Variants in MALRD1 observed in about 807,000 individuals in gnomAD.
The protein encoded by MALRD1 is MAM and LDL receptor class A domain containing 1.
A neutral mutation model predicts 242.1 loss-of-function variants in MALRD1; 247 were observed. That is an observed-to-expected ratio of 1.02 (90% CI 0.92 to 1.13). The LOEUF (loss-of-function observed/expected upper bound fraction) is 1.13. Ranked by LOEUF, MALRD1 falls within the 50% of genes most tolerant of loss-of-function variation. The pLI is 0.00. For synonymous variants in MALRD1, 995 were observed against 866.6 expected, an observed-to-expected ratio of 1.15 and a Z score of -2.60; for missense variants, 2,989 against 2,533.1, an observed-to-expected ratio of 1.18 and a Z score of -3.86.
intron 26 of MALRD1, among the ~76,000 whole-genome samples, chr10:19,366,341 C>G (rs1352915958): frequency 6.6e-6 from 1 of 151,980 alleles, no homozygotes; most frequent in Non-Finnish European, 1.5e-5. Flanking sequence ...GTTTGCGCTC[C>G]TATGAGAAGC....
At chr10:19,153,693 A>T (rs1443696086) in intron 11 of MALRD1, among the ~76,000 whole-genome samples, 1 of 148,028 alleles carries the variant, frequency 6.8e-6, no homozygotes, top group East Asian at 1.9e-4. Context: ...TGTCTCAGGA[A>T]AAAAAAAAAA....
In MALRD1 at chr10:19,505,520, C is replaced by G. The variant is rs1287455160; in HGVS notation, c.5320+6874C>G. On this transcript the variant is annotated intron_variant, in intron 31 of 39. Coordinates refer to ENST00000454679, the MANE Select transcript of MALRD1 (RefSeq NM_001142308.3). ...CCTCAGGAGAAATCAGATCTCCTGG[C>G]ACCTTGGTCTTGGACTTCCAGCCTT... 2.0e-5 allele frequency among the ~76,000 whole-genome samples: 3 copies of G among 152,184 alleles called. No homozygotes were observed. The East Asian group carries it at 5.8e-4, about 29-fold the overall frequency.
At chr10:19,477,846 A>G (rs560272350) in intron 29 of MALRD1, among the ~76,000 whole-genome samples, 229 of 152,266 alleles carry the variant, frequency 1.5e-3, no homozygotes, top group African/African-American at 4.9e-3. Context: ...TATTATGCAG[A>G]TGGAGTCTCT....
At chr10:19,201,157 G>T (rs907431500) in intron 14 of MALRD1, among the ~76,000 whole-genome samples, 1 of 151,926 alleles carries the variant, frequency 6.6e-6, no homozygotes, top group East Asian at 1.9e-4. Context: ...TTTTATATAT[G>T]TATACATGTG....
At chr10:19,212,022 C>T (rs1837093632) in intron 18 of MALRD1, among the ~76,000 whole-genome samples, 1 of 152,108 alleles carries the variant, frequency 6.6e-6, no homozygotes, top group African/African-American at 2.4e-5. Context: ...AAATAATCAG[C>T]CAATGCTTTC....
chr10:19,078,229 C>T (rs534118219), intron 2 of MALRD1, among the ~76,000 whole-genome samples: 1 of 151,810 alleles, frequency 6.6e-6, no homozygotes, highest in South Asian at 2.1e-4. Context: ...TATACATGTG[C>T]CATGTTGGTG....
At chr10:19,261,880 G>T (rs964519714) in intron 19 of MALRD1, among the ~76,000 whole-genome samples, 3 of 151,576 alleles carry the variant, frequency 2.0e-5, no homozygotes, top group Non-Finnish European at 4.4e-5. Context: ...AAACTTCTTC[G>T]GTTGTAAATT....
chr10:19,395,271 G>A (rs932301022), intron 28 of MALRD1, among the ~76,000 whole-genome samples: 4 of 152,138 alleles, frequency 2.6e-5, no homozygotes, highest in Non-Finnish European at 5.9e-5. Flanking sequence ...GCCTCCAGAG[G>A]TCGTGATGAC....
At chr10:19,546,966 A>G in intron 32 of MALRD1, among the ~76,000 whole-genome samples, 1 of 152,162 alleles carries the variant, frequency 6.6e-6, no homozygotes, top group East Asian at 1.9e-4. Context: ...CAGCTTAGAA[A>G]TTCATTTTTT....
chr10:19,446,076 C>CT (rs1834960016), intron 28 of MALRD1, among the ~76,000 whole-genome samples: 1 of 152,148 alleles, frequency 6.6e-6, no homozygotes. Flanking sequence ...GGGCGTGGGA[C>CT]CCTCCGAGCC....
chr10:19,676,332 C>G (rs1028331208), intron 36 of MALRD1, among the ~76,000 whole-genome samples: 1 of 152,162 alleles, frequency 6.6e-6, no homozygotes, highest in Non-Finnish European at 1.5e-5. Flanking sequence ...TGATGAGGGC[C>G]TTTGCCACAT....
chr10:19,223,420 CA>C (rs1244544962), intron 18 of MALRD1, among the ~76,000 whole-genome samples: 11 of 137,922 alleles, frequency 8.0e-5, no homozygotes, highest in African/African-American at 1.3e-4. Context: ...GTCTTCTAAG[CA>C]ATTTTTTTTT....
intron 32 of MALRD1, among the ~76,000 whole-genome samples, chr10:19,541,044 C>G (rs1412161144): frequency 6.6e-6 from 1 of 152,048 alleles, no homozygotes; most frequent in Non-Finnish European, 1.5e-5. Flanking sequence ...AAACATCAGG[C>G]CTTTTTATTG....
At position 19,124,681 on chromosome 10, in the gene MALRD1, A is replaced by T. The variant is rs1837190005; in HGVS notation, c.943+11A>T. Reference sequence around the variant, plus strand: ...GAGGTGATGATGAAGGTAGAAAAAAAAATAATATCTTTTATGTATTACTTT... The same window carrying T: ...GAGGTGATGATGAAGGTAGAAAAAATAATAATATCTTTTATGTATTACTTT... On this transcript the variant is annotated intron_variant, in intron 7 of 39. Transcript: ENST00000454679. The T allele has an allele frequency of 1.6e-6, 2 of 1,233,560 alleles. No homozygotes were observed. Among genetic ancestry groups the T allele is most frequent in the Non-Finnish European group, 2.0e-6 (2 of 988,008 alleles). The allele number at this position is 1,233,560 out of a possible 1,614,324, so 76.4% of individuals were successfully genotyped here. A position where few individuals can be genotyped will look rare whatever the true frequency, so the allele number is the denominator to read the frequency against.
At chr10:19,623,252 T>A (rs947094572) in intron 36 of MALRD1, among the ~76,000 whole-genome samples, 5 of 152,078 alleles carry the variant, frequency 3.3e-5, no homozygotes, top group Non-Finnish European at 4.4e-5. Context: ...TTATGTTGCA[T>A]GTATCAGAAA....
At chr10:19,270,471 T>C (rs972265450) in intron 19 of MALRD1, among the ~76,000 whole-genome samples, 1 of 151,858 alleles carries the variant, frequency 6.6e-6, no homozygotes, top group African/African-American at 2.4e-5. Flanking sequence ...ATAGCGTGCA[T>C]TGATTTAAAT....
At chr10:19,077,418 C>T (rs4604782) in intron 2 of MALRD1, among the ~76,000 whole-genome samples, 1 of 151,766 alleles carries the variant, frequency 6.6e-6, no homozygotes, top group Non-Finnish European at 1.5e-5. Context: ...ACACCCATTT[C>T]AGGCCAAGGC....
chr10:19,204,426 C>G lies in MALRD1; in HGVS notation c.2210+13C>G. 1 of 1,494,998 alleles carries G rather than the reference C, an allele frequency of 6.7e-7. No individual in the cohort carries two copies. Among genetic ancestry groups the G allele is most frequent in the Non-Finnish European group, 9.1e-7 (1 of 1,101,324 alleles). 92.6% of individuals were successfully genotyped at this position (1,494,998 alleles called of 1,614,324 possible). On this transcript the variant is annotated intron_variant, in intron 16 of 39. Coordinates refer to ENST00000454679, the MANE Select transcript of MALRD1 (RefSeq NM_001142308.3). ...TACTTTCCTTCTGGTAAATATTAAACAAATATTTAAACAATATTAAACAGT... is the reference window on the plus strand; with the variant it reads ...TACTTTCCTTCTGGTAAATATTAAAGAAATATTTAAACAATATTAAACAGT...
intron 18 of MALRD1, among the ~76,000 whole-genome samples, chr10:19,234,537 A>T (rs992226359): frequency 2.6e-5 from 4 of 152,074 alleles, no homozygotes; most frequent in Non-Finnish European, 5.9e-5. Flanking sequence ...CAATGAATTA[A>T]TTGCCTGAAA....
Sources: gnomAD v4.1 joint callset for allele counts (sites outside exome capture counted in the v4.1 genomes callset) on GRCh38, gnomAD v4.1.1 for gene constraint, MANE v1.5 for transcripts, NCBI Gene and HGNC (gene_info 2026-07-23, HGNC 2026-07-21) for gene names.